The following RAP1B variants were observed in gnomAD, a reference collection of about 807,000 sequenced individuals.
The protein encoded by RAP1B is ras-related protein Rap-1b.
RAP1B carries 1 observed loss-of-function variant against 27.5 expected under a neutral mutation model. That is an observed-to-expected ratio of 0.04 (90% CI 0.01 to 0.17). The LOEUF is 0.17. RAP1B is among the 10% of genes least tolerant of loss of function. RAP1B has a pLI of 1.00. For missense variants in RAP1B, 84 were observed against 214.8 expected (o/e 0.39, Z 3.81); for synonymous variants, 75 against 73.1 (o/e 1.03, Z -0.13).
In RAP1B at chr12:68,665,979, A is replaced by T. The variant is rs1874831709; in HGVS notation, c.*6730A>T. 1 of 151,792 alleles carries T rather than the reference A, an allele frequency of 6.6e-6. No homozygotes were observed. Among genetic ancestry groups the T allele is most frequent in the Admixed American group, 6.6e-5 (1 of 15,208 alleles). 9.4% of individuals were successfully genotyped at this position (151,792 alleles called of 1,614,324 possible). ...AGCAGTTCTCTGCCTCAGCCTCCCGAGCAGCTGGGATTACAGGCATCTGCC... is the reference window on the plus strand; with the variant it reads ...AGCAGTTCTCTGCCTCAGCCTCCCGTGCAGCTGGGATTACAGGCATCTGCC... On this transcript the variant is annotated 3_prime_UTR_variant, in exon 8 of 8. Coordinates refer to ENST00000250559, the MANE Select transcript of RAP1B (RefSeq NM_001010942.3).
chr12:68,636,527 A>C (rs2135941546), intron 1 of RAP1B, among the ~76,000 whole-genome samples: 1 of 152,326 alleles, frequency 6.6e-6, no homozygotes, highest in African/African-American at 2.4e-5. Flanking sequence ...TCGTGGGCTT[A>C]AGTGATCCTC....
intron 1 of RAP1B, among the ~76,000 whole-genome samples, chr12:68,618,773 TGAA>T (rs911175388): frequency 1.3e-5 from 2 of 152,174 alleles, no homozygotes; most frequent in Non-Finnish European, 2.9e-5. Flanking sequence ...ATGCTCTTGA[TGAA>T]GAAGTAAAAA....
intron 1 of RAP1B, among the ~76,000 whole-genome samples, chr12:68,634,458 AG>A (rs1344729975): frequency 6.6e-6 from 1 of 152,204 alleles, no homozygotes; most frequent in Non-Finnish European, 1.5e-5. Flanking sequence ...TTCAGATGAC[AG>A]GGAAAAAAGG....
chr12:68,632,129 G>GTTTTTTTTTGTTTTTTTTTTTTT (rs1872288247), intron 1 of RAP1B, among the ~76,000 whole-genome samples: 1 of 104,414 alleles, frequency 9.6e-6, no homozygotes, highest in African/African-American at 4.3e-5. Flanking sequence ...TTTTGGATTT[G>GTTTTTTTTTGTTTTTTTTTTTTT]TTTTTTTTTT....
At position 68,666,833 on chromosome 12, in the gene RAP1B, G is replaced by A. The variant is rs1200620068; in HGVS notation, c.*7584G>A. The A allele has an allele frequency of 6.6e-6, 1 of 152,052 alleles. No homozygotes were observed. Among genetic ancestry groups the A allele is most frequent in the African/African-American group, 2.4e-5 (1 of 41,380 alleles). The allele number at this position is 152,052 out of a possible 1,614,324, so 9.4% of individuals were successfully genotyped here. On this transcript the variant is annotated 3_prime_UTR_variant, in exon 8 of 8. Coordinates refer to ENST00000250559, the MANE Select transcript of RAP1B (RefSeq NM_001010942.3). Reference sequence around the variant, plus strand: ...TCTGAACTGAATCAGCAGACCCTCAGGTCTCCCTAGAGAGATCCTGAGCAC... The same window carrying A: ...TCTGAACTGAATCAGCAGACCCTCAAGTCTCCCTAGAGAGATCCTGAGCAC...
chr12:68,619,956 T>C (rs1273696935), intron 1 of RAP1B, among the ~76,000 whole-genome samples: 2 of 152,208 alleles, frequency 1.3e-5, no homozygotes, highest in Non-Finnish European at 2.9e-5. Flanking sequence ...AATTCCCTTG[T>C]GTCCAAAGTC....
In RAP1B at chr12:68,663,584, A is replaced by G. The variant is rs753711104; in HGVS notation, c.*4335A>G. On this transcript the variant is annotated 3_prime_UTR_variant, in exon 8 of 8. Transcript: ENST00000250559. ...GTAAAAGTAAAGTGCTTATTGCTAA[A>G]TAGGTCTGTATTCTAAATGCTGCCA... 1.1e-4 allele frequency: 16 copies of G among 152,230 alleles called. No individual in the cohort carries two copies. Among genetic ancestry groups the G allele is most frequent in the Non-Finnish European group, 1.8e-4 (12 of 68,050 alleles). 9.4% of individuals were successfully genotyped at this position (152,230 alleles called of 1,614,324 possible). A position where few individuals can be genotyped will look rare whatever the true frequency, so the allele number is the denominator to read the frequency against.
intron 7 of RAP1B, among the ~76,000 whole-genome samples, chr12:68,657,914 T>TG (rs1344767855): frequency 1.4e-5 from 2 of 145,742 alleles, no homozygotes; most frequent in East Asian, 4.0e-4. Flanking sequence ...CATGTGCCAC[T>TG]TTTTTTTTTT....
intron 1 of RAP1B, among the ~76,000 whole-genome samples, chr12:68,639,672 C>A (rs1872860419): frequency 6.6e-6 from 1 of 152,132 alleles, no homozygotes; most frequent in Non-Finnish European, 1.5e-5. Context: ...CAGGAACTCA[C>A]CAAAGGGCAT....
chr12:68,656,075 G>A (rs908823170), intron 5 of RAP1B, among the ~76,000 whole-genome samples: 5 of 151,910 alleles, frequency 3.3e-5, no homozygotes, highest in Non-Finnish European at 5.9e-5. Flanking sequence ...TGGAGTTATC[G>A]TTTGCATCTC....
intron 1 of RAP1B, among the ~76,000 whole-genome samples, chr12:68,646,364 C>G (rs1420694759): frequency 6.6e-6 from 1 of 151,818 alleles, no homozygotes; most frequent in African/African-American, 2.4e-5. Flanking sequence ...GGCACGATCT[C>G]AGCTTACTGC....
At chr12:68,640,700 C>A (rs1409745808) in intron 1 of RAP1B, among the ~76,000 whole-genome samples, 1 of 151,870 alleles carries the variant, frequency 6.6e-6, no homozygotes, top group Admixed American at 6.6e-5. Context: ...TAGAATAATT[C>A]TTGTTCATAA....
intron 1 of RAP1B, among the ~76,000 whole-genome samples, chr12:68,644,625 C>A (rs1369712263): frequency 6.6e-6 from 1 of 150,518 alleles, no homozygotes; most frequent in Non-Finnish European, 1.5e-5. Flanking sequence ...GAAGGAATAG[C>A]AGTCCTCTTT....
rs1874642657 is a variant in RAP1B, at chr12:68,662,304, G to A, written c.*3055G>A. ...CCTTTTCACGTCCCCAAGGATACTT[G>A]AAGAAACTTGAGTTTTAGGAGAAAA... On this transcript the variant is annotated 3_prime_UTR_variant, in exon 8 of 8. Transcript: ENST00000250559. 2 of 151,916 alleles carry A rather than the reference G, an allele frequency of 1.3e-5. No individual in the cohort carries two copies. The highest frequency in any genetic ancestry group is 4.8e-5 in the African/African-American group (2 of 41,488). The allele number at this position is 151,916 out of a possible 1,614,324, so 9.4% of individuals were successfully genotyped here.
chr12:68,659,425 C>A lies in RAP1B; in HGVS notation c.*176C>A, dbSNP rs1217454579. ...TCAGTTTGCACATTCTAATCACTTT[C>A]CAGTATCACAAGAGAGATTTTTACT... On this transcript the variant is annotated 3_prime_UTR_variant, in exon 8 of 8. Coordinates refer to ENST00000250559, the MANE Select transcript of RAP1B (RefSeq NM_001010942.3). 6 of 385,542 alleles carry A rather than the reference C, an allele frequency of 1.6e-5. No homozygotes were observed. The highest frequency in any genetic ancestry group is 1.4e-4 in the Admixed American group (4 of 28,388). 23.9% of individuals were successfully genotyped at this position (385,542 alleles called of 1,614,324 possible). A position where few individuals can be genotyped will look rare whatever the true frequency, so the allele number is the denominator to read the frequency against.
intron 1 of RAP1B, chr12:68,624,397 C>A (rs1474812292): frequency 6.6e-6 from 1 of 151,832 alleles, no homozygotes; most frequent in Non-Finnish European, 1.5e-5. Flanking sequence ...CAGTTTGTTT[C>A]CTAATAATGT....
rs186715281 is a variant in RAP1B at position 68,633,815 on chromosome 12, A to G, written c.-26-14884A>G. 1.9e-3 allele frequency among the ~76,000 whole-genome samples: 292 copies of G among 152,346 alleles called. 2 individuals carry two copies. Among genetic ancestry groups the G allele is most frequent in the Middle Eastern group, 0.01 (3 of 294 alleles). On this transcript the variant is annotated intron_variant, in intron 1 of 7. Transcript: ENST00000250559. Reference sequence around the variant, plus strand: ...AACTTGGGAGGTGGAGGTTGCAGTGAGCTGAGATCGTGCCACTGCACTCCA... The same window carrying G: ...AACTTGGGAGGTGGAGGTTGCAGTGGGCTGAGATCGTGCCACTGCACTCCA...
intron 1 of RAP1B, among the ~76,000 whole-genome samples, chr12:68,631,850 G>T (rs1042706328): frequency 6.6e-6 from 1 of 151,860 alleles, no homozygotes; most frequent in African/African-American, 2.4e-5. Context: ...GGTATGTTTT[G>T]TCCATCTTTC....
chr12:68,617,858 G>T (rs969763186), intron 1 of RAP1B, among the ~76,000 whole-genome samples: 1 of 151,962 alleles, frequency 6.6e-6, no homozygotes, highest in Non-Finnish European at 1.5e-5. Flanking sequence ...CAACCTCCCA[G>T]ATTCAAGCCA....
Sources: allele counts gnomAD v4.1 joint callset (sites outside exome capture counted in the v4.1 genomes callset), GRCh38; gene constraint gnomAD v4.1.1; transcripts MANE v1.5; gene names NCBI Gene and HGNC (gene_info 2026-07-23, HGNC 2026-07-21).